The following SDK2 variants were observed in gnomAD, a reference collection of about 807,000 sequenced individuals.
The protein encoded by SDK2 is protein sidekick-2.
Under a neutral mutation model 253.9 loss-of-function variants are expected in SDK2, and 105 were observed. The observed-to-expected ratio is 0.41, with a 90% confidence interval of 0.35 to 0.49. The LOEUF (loss-of-function observed/expected upper bound fraction) is 0.49. Among genes scored for constraint, SDK2 ranks in the 20% least tolerant of loss-of-function variants. The pLI, the probability that SDK2 is intolerant of heterozygous loss-of-function variation, is 0.06. For missense variants in SDK2, 2,608 were observed against 3,003.0 expected (o/e 0.87, Z 3.07); for synonymous variants, 1,249 against 1,234.9 (o/e 1.01, Z -0.24).
At chr17:73,507,168 C>A (rs1254509777) in intron 2 of SDK2, among the ~76,000 whole-genome samples, 1 of 152,252 alleles carries the variant, frequency 6.6e-6, no homozygotes, top group African/African-American at 2.4e-5. Flanking sequence ...GTGCCCAACA[C>A]CACCTCTGCT....
chr17:73,619,321 C>T (rs1017431371), intron 1 of SDK2, among the ~76,000 whole-genome samples: 1 of 152,144 alleles, frequency 6.6e-6, no homozygotes, highest in African/African-American at 2.4e-5. Flanking sequence ...GAAGTCAGCA[C>T]AGCACAGACA....
chr17:73,568,128 T>A (rs974980507), intron 1 of SDK2, among the ~76,000 whole-genome samples: 1 of 151,842 alleles, frequency 6.6e-6, no homozygotes, highest in African/African-American at 2.4e-5. Flanking sequence ...GAGATGTTTG[T>A]GTTGGGAGGC....
At chr17:73,579,045 C>T (rs1420152664) in intron 1 of SDK2, among the ~76,000 whole-genome samples, 1 of 152,124 alleles carries the variant, frequency 6.6e-6, no homozygotes, top group East Asian at 1.9e-4. Flanking sequence ...CATCCCCACC[C>T]CTCCCTTCCC....
At position 73,385,865 on chromosome 17, in the gene SDK2, G is replaced by A. The variant is rs757461777; in HGVS notation, c.4551C>T (p.Ser1517=). ...ILSVTPHTTT[S]VLIRWQPPAE... is the part of the protein sequence containing the mutation. Reference sequence around the variant, plus strand: ...GCCATACCTGCCATCGGATTAGCACGGAGGTGGTGGTGTGGGGCGTCACGG... The same window carrying A: ...GCCATACCTGCCATCGGATTAGCACAGAGGTGGTGGTGTGGGGCGTCACGG... Residue 1517 remains serine (S), a synonymous_variant, in exon 32 of 45, where the codon TCC becomes TCT. Coordinates refer to ENST00000392650, the MANE Select transcript of SDK2 (RefSeq NM_001144952.2). The A allele has an allele frequency of 5.0e-6, 8 of 1,608,420 alleles. No individual in the cohort carries two copies. The Admixed American group carries it at 5.1e-5, about 10-fold the overall frequency.
intron 44 of SDK2, among the ~76,000 whole-genome samples, chr17:73,344,303 C>A (rs964741995): frequency 1.3e-5 from 2 of 152,222 alleles, no homozygotes; most frequent in African/African-American, 2.4e-5. Context: ...CCCCTCCCCC[C>A]ACACCCACAA....
intron 12 of SDK2, among the ~76,000 whole-genome samples, chr17:73,428,194 C>T (rs764876493): frequency 2.6e-5 from 4 of 152,114 alleles, no homozygotes; most frequent in Admixed American, 1.3e-4. Flanking sequence ...CAGTGGCTCA[C>T]GCCTGTAATC....
rs948372246 is a variant in SDK2 at position 73,467,583 on chromosome 17, C to T, written c.331+4529G>A. 2.0e-5 allele frequency among the ~76,000 whole-genome samples: 3 copies of T among 152,174 alleles called. No individual in the cohort carries two copies. Among genetic ancestry groups the T allele is most frequent in the Admixed American group, 6.5e-5 (1 of 15,286 alleles). On this transcript the variant is annotated intron_variant, in intron 3 of 44. Transcript: ENST00000392650. This position sits in a 1 kb window ranked among gnomAD's most constrained non-coding sequence, Gnocchi z 4.1. ...GGGACAGAGGATTCTTCAGCTTCTA[C>T]AGCTAGAGAGGGAGGCCCCCTGGGA...
Position 73,507,021 on chromosome 17 carries a change from C to G in SDK2, c.224+417G>C, listed in dbSNP as rs1002313156. On this transcript the variant is annotated intron_variant, in intron 2 of 44. Transcript: ENST00000392650. ...AGAAGATGTCCCCTCCTTCACTGATCCCAGGTTGCTGCAGAGCCCACCCCT... is the reference window on the plus strand; with the variant it reads ...AGAAGATGTCCCCTCCTTCACTGATGCCAGGTTGCTGCAGAGCCCACCCCT... 9.9e-5 allele frequency among the ~76,000 whole-genome samples: 15 copies of G among 152,256 alleles called. No homozygotes were observed. In the South Asian group the frequency reaches 3.1e-3, roughly 32 times the overall value.
chr17:73,508,974 G>A (rs1012291078), intron 1 of SDK2, among the ~76,000 whole-genome samples: 7 of 152,346 alleles, frequency 4.6e-5, no homozygotes, highest in Middle Eastern at 3.4e-3. Context: ...GGCAGCAGCC[G>A]GCGGGGAGGA....
intron 1 of SDK2, among the ~76,000 whole-genome samples, chr17:73,523,020 C>A (rs1054912900): frequency 1.3e-5 from 2 of 152,208 alleles, no homozygotes; most frequent in African/African-American, 4.8e-5. Context: ...TGGGAAGCAT[C>A]TGTGGAACTC....
At position 73,455,848 on chromosome 17, in the gene SDK2, C is replaced by T; in HGVS notation, c.479+58G>A. ...ACTCAAGGGAGACTTTATCTGGCCCCAAACCTCCTCCCCCAGACACCCCTC... is the reference window on the plus strand; with the variant it reads ...ACTCAAGGGAGACTTTATCTGGCCCTAAACCTCCTCCCCCAGACACCCCTC... On this transcript the variant is annotated intron_variant, in intron 4 of 44. Coordinates refer to ENST00000392650, the MANE Select transcript of SDK2 (RefSeq NM_001144952.2). The surrounding 1 kb of genome is among the most constrained non-coding windows in gnomAD (Gnocchi z 5.0). 2.0e-6 allele frequency: 3 copies of T among 1,490,454 alleles called. No individual in the cohort carries two copies. Among genetic ancestry groups the T allele is most frequent in the Non-Finnish European group, 2.7e-6 (3 of 1,119,502 alleles). The allele number at this position is 1,490,454 out of a possible 1,614,324, so 92.3% of individuals were successfully genotyped here.
chr17:73,338,761 G>T lies in SDK2; in HGVS notation c.6345C>A (p.Val2115=), dbSNP rs914874533. The T allele has an allele frequency of 6.2e-7, 1 of 1,613,922 alleles. No homozygotes were observed. Among genetic ancestry groups the T allele is most frequent in the Non-Finnish European group, 8.5e-7 (1 of 1,179,866 alleles). Reference sequence around the variant, plus strand: ...CCTGCTGGGTGCTGGTGCTGTTGGTGACGGTGGTGTGGTCTGGCTCACCCG... The same window carrying T: ...CCTGCTGGGTGCTGGTGCTGTTGGTTACGGTGGTGTGGTCTGGCTCACCCG... ...SDSGEPDHTT[V]TNSTSTQQGS... is the part of the protein sequence containing the mutation. The change falls in exon 45 of 45, where the codon GTC becomes GTA. Residue 2115 remains valine, a synonymous_variant. Transcript: ENST00000392650. The surrounding 1 kb of genome is among the most constrained non-coding windows in gnomAD (Gnocchi z 5.0).
intron 37 of SDK2, among the ~76,000 whole-genome samples, chr17:73,368,109 G>A (rs2062700869): frequency 6.6e-6 from 1 of 152,182 alleles, no homozygotes; most frequent in Non-Finnish European, 1.5e-5. Context: ...AGCAGAAGTA[G>A]GCTGGCTGGG....
intron 12 of SDK2, among the ~76,000 whole-genome samples, chr17:73,426,073 C>T (rs368085023): frequency 9.9e-5 from 15 of 151,800 alleles, no homozygotes; most frequent in Non-Finnish European, 1.9e-4. Context: ...GAGACAGAAT[C>T]TCACTCTGTT....
chr17:73,405,449 A>G (rs1036693799), intron 18 of SDK2, among the ~76,000 whole-genome samples: 1 of 120,916 alleles, frequency 8.3e-6, no homozygotes, highest in Admixed American at 9.3e-5. Context: ...CAAAAAAAAA[A>G]AAAAACAAAC....
Position 73,496,343 on chromosome 17 carries a change from G to A in SDK2, c.224+11095C>T, listed in dbSNP as rs375127872. ...GCTCAAAGGCACACAGTGAGTCAGG[G>A]GCAGGACTGGACATCACAAGGTGGG... On this transcript the variant is annotated intron_variant, in intron 2 of 44. Transcript: ENST00000392650. This position sits in a 1 kb window ranked among gnomAD's most constrained non-coding sequence, Gnocchi z 4.7. Among the ~76,000 whole-genome samples the A allele has an allele frequency of 1.1e-4, 17 of 152,302 alleles. No individual in the cohort carries two copies. The South Asian group carries it at 3.5e-3, about 32-fold the overall frequency.
chr17:73,435,337 C>T lies in SDK2; in HGVS notation c.1195+113G>A. On this transcript the variant is annotated intron_variant, in intron 9 of 44. Coordinates refer to ENST00000392650, the MANE Select transcript of SDK2 (RefSeq NM_001144952.2). This position sits in a 1 kb window ranked among gnomAD's most constrained non-coding sequence, Gnocchi z 5.7. ...GGGCAGCAGGCGGCCTTTGGGGATC[C>T]TATCTGCTTAATGGAACGTGCTATG... 8.2e-6 allele frequency: 9 copies of T among 1,094,790 alleles called. No individual in the cohort carries two copies. Among genetic ancestry groups the T allele is most frequent in the Non-Finnish European group, 1.1e-5 (9 of 783,972 alleles). The allele number at this position is 1,094,790 out of a possible 1,614,324, so 67.8% of individuals were successfully genotyped here.
At position 73,629,627 on chromosome 17, in the gene SDK2, G is replaced by A. The variant is rs940842377; in HGVS notation, c.64+14398C>T. Among the ~76,000 whole-genome samples the A allele has an allele frequency of 1.3e-5, 2 of 152,098 alleles. No homozygotes were observed. Among genetic ancestry groups the A allele is most frequent in the Non-Finnish European group, 2.9e-5 (2 of 68,014 alleles). The stretch of plus-strand genomic sequence containing the variant: ...CAGCTTCTATGTTACCTCCTCCTCT[G>A]GGGCAGCATCTCAGGTCATCCCTCT... On this transcript the variant is annotated intron_variant, in intron 1 of 44. Transcript: ENST00000392650. The surrounding 1 kb of genome is among the most constrained non-coding windows in gnomAD (Gnocchi z 5.0).
At chr17:73,535,634 G>A (rs1340591215) in intron 1 of SDK2, among the ~76,000 whole-genome samples, 3 of 152,242 alleles carry the variant, frequency 2.0e-5, no homozygotes, top group African/African-American at 7.2e-5. Flanking sequence ...AAATGCTCTA[G>A]CTGTGGCTGA....
Sources: allele counts gnomAD v4.1 joint callset (sites outside exome capture counted in the v4.1 genomes callset), GRCh38; gene constraint gnomAD v4.1.1; non-coding constraint Gnocchi (gnomAD v3.1); transcripts MANE v1.5; gene names NCBI Gene and HGNC (gene_info 2026-07-23, HGNC 2026-07-21).